Variants in BMPR1B observed in about 807,000 individuals in gnomAD.
BMPR1B encodes the protein bone morphogenetic protein receptor type-1B.
BMPR1B carries 12 observed loss-of-function variants against 59.1 expected under a neutral mutation model. The observed-to-expected ratio is 0.20, with a 90% CI of 0.13 to 0.33. The LOEUF (loss-of-function observed/expected upper bound fraction) is 0.33, where lower values mean the gene tolerates loss of function less well. Among genes scored for constraint, BMPR1B ranks in the 10% least tolerant of loss-of-function variants. The pLI is 1.00. For missense variants in BMPR1B, 550 were observed against 610.9 expected, an observed-to-expected ratio of 0.90 and a Z score of 1.05; for synonymous variants, 237 against 207.3, an observed-to-expected ratio of 1.14 and a Z score of -1.23.
At chr4:94,766,628 CAT>C (rs1721979780) in intron 1 of BMPR1B, among the ~76,000 whole-genome samples, 1 of 151,684 alleles carries the variant, frequency 6.6e-6, no homozygotes, top group Admixed American at 6.6e-5. Flanking sequence ...ACTTGGGAAA[CAT>C]AGGGAACTCA....
At chr4:95,055,110 CT>C (rs1275099068) in intron 3 of BMPR1B, among the ~76,000 whole-genome samples, 1 of 152,070 alleles carries the variant, frequency 6.6e-6, no homozygotes, top group Non-Finnish European at 1.5e-5. Context: ...CAGGAAAATC[CT>C]CAAACCCAGT....
chr4:94,882,600 A>G (rs1727017225), intron 2 of BMPR1B, among the ~76,000 whole-genome samples: 2 of 152,206 alleles, frequency 1.3e-5, no homozygotes, highest in South Asian at 4.1e-4. Flanking sequence ...AGAAAATCAG[A>G]ATCAGAGACT....
rs1298648503 is a variant in BMPR1B, at chr4:95,124,861, G to A, written c.447-122G>A. 7 of 875,214 alleles carry A rather than the reference G, an allele frequency of 8.0e-6. No homozygotes were observed. In the African/African-American group the frequency reaches 1.2e-4, roughly 15 times the overall value. 54.2% of individuals were successfully genotyped at this position (875,214 alleles called of 1,614,324 possible). A position where few individuals can be genotyped will look rare whatever the true frequency, so the allele number is the denominator to read the frequency against. On this transcript the variant is annotated intron_variant, in intron 7 of 12. Coordinates refer to ENST00000515059, the MANE Select transcript of BMPR1B (RefSeq NM_001203.3). ...CATAACTAAGAGTAAAAAATATGAA[G>A]CATTTAATGTATTATATTTAGGTGC...
At chr4:95,125,816 C>T (rs1732865444) in intron 8 of BMPR1B, among the ~76,000 whole-genome samples, 1 of 152,078 alleles carries the variant, frequency 6.6e-6, no homozygotes, top group South Asian at 2.1e-4. Flanking sequence ...ACTGTTATGT[C>T]CTGGGTAAAA....
rs1048722531 is a variant in BMPR1B, at chr4:94,773,906, G to A, written c.-183+15838G>A. Among the ~76,000 whole-genome samples the A allele has an allele frequency of 7.2e-5, 11 of 151,990 alleles. No individual in the cohort carries two copies. The East Asian group carries it at 2.1e-3, about 29-fold the overall frequency. On this transcript the variant is annotated intron_variant, in intron 1 of 12. Transcript: ENST00000515059. ...CTGGTTCCCTCTTTGAGAAGTTAAT[G>A]CCTGTTGTATTCTTTTCCTAAAATA...
chr4:94,951,935 A>T (rs554441283), intron 2 of BMPR1B, among the ~76,000 whole-genome samples: 12 of 151,992 alleles, frequency 7.9e-5, no homozygotes, highest in African/African-American at 2.7e-4. Context: ...CAATTTCAGA[A>T]CTTGTTATTG....
At chr4:94,960,528 T>C (rs2149065348) in intron 2 of BMPR1B, among the ~76,000 whole-genome samples, 1 of 152,204 alleles carries the variant, frequency 6.6e-6, no homozygotes, top group South Asian at 2.1e-4. Flanking sequence ...GGTCTAAGGG[T>C]CTGCTTTAAT....
In BMPR1B at chr4:95,026,097, C is replaced by CCTTTCTTT. The variant is rs1560602784; in HGVS notation, c.-18+29963_-18+29964insCTTTCTTT. The stretch of plus-strand genomic sequence containing the variant: ...CTTGGCTGGCTGGATTGCTTTCTTT[C>CCTTTCTTT]ATTTCTTTCTTTCTTTCTTTCTTTC... On this transcript the variant is annotated intron_variant, in intron 3 of 12. Transcript: ENST00000515059. 5.4e-3 allele frequency among the ~76,000 whole-genome samples: 128 copies of CCTTTCTTT among 23,912 alleles called. No homozygotes were observed. In the East Asian group the frequency reaches 0.054, roughly 10 times the overall value. The allele number at this position is 23,912 out of a possible 152,430, so 15.7% of individuals were successfully genotyped here.
At position 95,090,369 on chromosome 4, in the gene BMPR1B, TG is replaced by T. The variant is rs1381213476; in HGVS notation, c.-17-14037del. 3.3e-5 allele frequency among the ~76,000 whole-genome samples: 5 copies of T among 152,118 alleles called. No homozygotes were observed. The East Asian group carries it at 9.6e-4, about 29-fold the overall frequency. On this transcript the variant is annotated intron_variant, in intron 3 of 12. Coordinates refer to ENST00000515059, the MANE Select transcript of BMPR1B (RefSeq NM_001203.3). ...CAGCTCTTTTTGTAAAGGAATTTTT[TG>T]GTTTGTTTTTAACCATCTGCTGTTA...
chr4:95,147,084 C>CT (rs961372045), intron 10 of BMPR1B, among the ~76,000 whole-genome samples: 6 of 151,172 alleles, frequency 4.0e-5, no homozygotes, highest in African/African-American at 9.7e-5. Flanking sequence ...TACACTTTAA[C>CT]TTTTTTTTTA....
intron 1 of BMPR1B, among the ~76,000 whole-genome samples, chr4:94,841,116 C>G (rs1476604335): frequency 4.0e-5 from 6 of 149,040 alleles, no homozygotes; most frequent in African/African-American, 1.5e-4. Context: ...GGCAGTCTGC[C>G]CGTTCTCAGA....
intron 3 of BMPR1B, among the ~76,000 whole-genome samples, chr4:95,029,814 G>A (rs992059074): frequency 6.6e-6 from 1 of 152,286 alleles, no homozygotes; most frequent in East Asian, 1.9e-4. Flanking sequence ...ATTCTAACTG[G>A]TGTGAGATGG....
At chr4:94,847,372 G>A (rs1484636478) in intron 1 of BMPR1B, among the ~76,000 whole-genome samples, 2 of 152,196 alleles carry the variant, frequency 1.3e-5, no homozygotes, top group Non-Finnish European at 2.9e-5. Flanking sequence ...GGAAAACAGT[G>A]TGAAGATTCC....
intron 2 of BMPR1B, among the ~76,000 whole-genome samples, chr4:94,925,581 A>G (rs1302964566): frequency 6.6e-6 from 1 of 152,154 alleles, no homozygotes; most frequent in Admixed American, 6.6e-5. Flanking sequence ...AGATGAGCCC[A>G]AGTCTTTCAC....
intron 3 of BMPR1B, among the ~76,000 whole-genome samples, chr4:95,047,487 C>CG: frequency 6.6e-6 from 1 of 152,232 alleles, no homozygotes; most frequent in East Asian, 1.9e-4. Context: ...GGTGAAGTGC[C>CG]ATTCTCATCA....
At position 95,155,080 on chromosome 4, in the gene BMPR1B, C is replaced by T. The variant is rs1735325364; in HGVS notation, c.*407C>T. The stretch of plus-strand genomic sequence containing the variant: ...AACAAAATTCTTCCCAGGAACTCTG[C>T]TGGAAGGTAAATTAAAATACTTGTT... On this transcript the variant is annotated 3_prime_UTR_variant, in exon 13 of 13. Coordinates refer to ENST00000515059, the MANE Select transcript of BMPR1B (RefSeq NM_001203.3). 1 of 182,262 alleles carries T rather than the reference C, an allele frequency of 5.5e-6. No individual in the cohort carries two copies. Among genetic ancestry groups the T allele is most frequent in the Non-Finnish European group, 1.2e-5 (1 of 85,926 alleles). 11.3% of individuals were successfully genotyped at this position (182,262 alleles called of 1,614,324 possible). A position where few individuals can be genotyped will look rare whatever the true frequency, so the allele number is the denominator to read the frequency against.
At chr4:95,025,606 G>A (rs1023628909) in intron 3 of BMPR1B, among the ~76,000 whole-genome samples, 3 of 152,186 alleles carry the variant, frequency 2.0e-5, no homozygotes, top group Non-Finnish European at 2.9e-5. Flanking sequence ...TAGTCTTCTT[G>A]ATCTGGTTAT....
chr4:94,977,480 T>C (rs1419096521), intron 2 of BMPR1B, among the ~76,000 whole-genome samples: 1 of 710 alleles, frequency 1.4e-3, no homozygotes, highest in African/African-American at 3.4e-3. Flanking sequence ...GCAAGATGCC[T>C]TTTTTTTTTT....
intron 2 of BMPR1B, among the ~76,000 whole-genome samples, chr4:94,920,534 T>C (rs1728649663): frequency 6.6e-6 from 1 of 152,174 alleles, no homozygotes; most frequent in Non-Finnish European, 1.5e-5. Context: ...CCACTAATTG[T>C]TTTATGGGCT....
Sources: gnomAD v4.1 joint callset for allele counts (sites outside exome capture counted in the v4.1 genomes callset) on GRCh38, gnomAD v4.1.1 for gene constraint, MANE v1.5 for transcripts, NCBI Gene and HGNC (gene_info 2026-07-23, HGNC 2026-07-21) for gene names.